The following CRTC3 variants were observed in gnomAD, a reference collection of about 807,000 sequenced individuals.
CRTC3 encodes CREB-regulated transcription coactivator 3.
CRTC3 carries 26 observed loss-of-function variants against 74.5 expected under a neutral mutation model. The ratio of observed to expected loss-of-function variants is 0.35; its 90% confidence interval spans 0.26 to 0.48. The LOEUF (loss-of-function observed/expected upper bound fraction) is 0.48, where lower values mean the gene tolerates loss of function less well. Ranked by LOEUF, CRTC3 falls within the 20% of genes least tolerant of loss-of-function variation. CRTC3 has a pLI of 0.99. For missense variants in CRTC3, 760 were observed against 787.3 expected (o/e 0.97, Z 0.41); for synonymous variants, 377 against 325.8 (o/e 1.16, Z -1.69).
chr15:90,640,802 G>T (rs144510168), intron 13 of CRTC3, among the ~76,000 whole-genome samples: 6 of 151,938 alleles, frequency 3.9e-5, no homozygotes, highest in African/African-American at 1.5e-4. Context: ...GAGGACAGAT[G>T]TCTGAGGGGC....
intron 6 of CRTC3, 70 bp from the exon 7 acceptor site, chr15:90,614,383 T>G (rs1968435981): frequency 8.8e-7 from 1 of 1,140,922 alleles, no homozygotes. Context: ...GAGTTACTGA[T>G]TCATAAATTC....
At chr15:90,604,358 C>A in intron 4 of CRTC3, 27 bp from the exon 5 acceptor site, 1 of 1,602,074 alleles carries the variant, frequency 6.2e-7, no homozygotes, top group South Asian at 1.1e-5. Flanking sequence ...GACTTCTTTT[C>A]CTTTTATGTT....
chr15:90,603,315 C>T (rs528138066), intron 4 of CRTC3, among the ~76,000 whole-genome samples: 6,741 of 148,494 alleles, frequency 0.045, 239 homozygotes, highest in Non-Finnish European at 0.068. Flanking sequence ...TGGTGGCAGG[C>T]GCCTGTAGTC....
chr15:90,615,935 T>A (rs1433540028), intron 7 of CRTC3, among the ~76,000 whole-genome samples: 1 of 152,120 alleles, frequency 6.6e-6, no homozygotes, highest in East Asian at 1.9e-4. Context: ...CTCGGCTCAC[T>A]GCAAACCTCC....
chr15:90,537,865 C>G (rs1966745293), intron 1 of CRTC3, among the ~76,000 whole-genome samples: 1 of 152,196 alleles, frequency 6.6e-6, no homozygotes, highest in Non-Finnish European at 1.5e-5. Context: ...CGGGGTTTCA[C>G]CGTGTTGGCC....
intron 11 of CRTC3, among the ~76,000 whole-genome samples, chr15:90,632,406 G>A (rs944509329): frequency 6.6e-6 from 1 of 151,886 alleles, no homozygotes; most frequent in African/African-American, 2.4e-5. Context: ...GACCAGCCTT[G>A]GCAACATAGT....
chr15:90,603,442 CA>C (rs201680485), intron 4 of CRTC3, among the ~76,000 whole-genome samples: 10 of 144,442 alleles, frequency 6.9e-5, no homozygotes, highest in South Asian at 2.2e-4. Flanking sequence ...GACTCCATCT[CA>C]AAAAAAAAAG....
intron 7 of CRTC3, among the ~76,000 whole-genome samples, chr15:90,614,904 A>C (rs1407362529): frequency 1.3e-5 from 2 of 152,064 alleles, no homozygotes; most frequent in Non-Finnish European, 2.9e-5. Flanking sequence ...TCTCTACTAA[A>C]AATACAAAAA....
intron 2 of CRTC3, among the ~76,000 whole-genome samples, chr15:90,578,446 C>T (rs868474080): frequency 6.6e-6 from 1 of 151,756 alleles, no homozygotes; most frequent in Non-Finnish European, 1.5e-5. Context: ...ACTAACTACT[C>T]GGGAGGCTGA....
intron 2 of CRTC3, among the ~76,000 whole-genome samples, chr15:90,556,117 C>G (rs562324836): frequency 6.8e-4 from 103 of 151,354 alleles, no homozygotes; most frequent in African/African-American, 2.4e-3. Flanking sequence ...TAATTATTTC[C>G]CTATGTCATT....
chr15:90,621,080 C>T (rs1165660969), intron 9 of CRTC3, among the ~76,000 whole-genome samples: 2 of 152,102 alleles, frequency 1.3e-5, no homozygotes, highest in Non-Finnish European at 1.5e-5. Context: ...CAGGACATTC[C>T]CATGGAAGGG....
At chr15:90,640,114 G>C (rs976146271) in intron 13 of CRTC3, among the ~76,000 whole-genome samples, 5 of 152,124 alleles carry the variant, frequency 3.3e-5, no homozygotes, top group Non-Finnish European at 5.9e-5. Context: ...GCAGGCCACA[G>C]ATGAAGCTTT....
chr15:90,575,696 C>G (rs1269794965), intron 2 of CRTC3, among the ~76,000 whole-genome samples: 1 of 152,172 alleles, frequency 6.6e-6, no homozygotes, highest in Non-Finnish European at 1.5e-5. Context: ...ACCAGAATCA[C>G]ACTATTTTAA....
intron 2 of CRTC3, among the ~76,000 whole-genome samples, chr15:90,548,557 C>T (rs1247735586): frequency 6.6e-6 from 1 of 152,024 alleles, no homozygotes; most frequent in African/African-American, 2.4e-5. Context: ...CATTTCCTTT[C>T]AAGTTTTCAT....
chr15:90,549,579 A>G (rs1403627008), intron 2 of CRTC3, among the ~76,000 whole-genome samples: 1 of 152,136 alleles, frequency 6.6e-6, no homozygotes, highest in African/African-American at 2.4e-5. Context: ...AGTTGGAGAA[A>G]GATAGTGAAG....
intron 2 of CRTC3, among the ~76,000 whole-genome samples, chr15:90,574,185 T>A (rs1024114404): frequency 2.6e-5 from 4 of 152,096 alleles, no homozygotes; most frequent in African/African-American, 9.7e-5. Flanking sequence ...TAAAAAAATA[T>A]ATAAACTTAT....
rs560404294 is a variant in CRTC3 at position 90,605,351 on chromosome 15, T to C, written c.476+904T>C. On this transcript the variant is annotated intron_variant, in intron 5 of 14. Coordinates refer to ENST00000268184, the MANE Select transcript of CRTC3 (RefSeq NM_022769.5). ...GGTGCCCATCCTCAGCTTCACTCAT[T>C]ATCAGCATTCTGCCAGTCTCTCCAA... is the stretch of plus-strand genomic sequence containing the variant. Among the ~76,000 whole-genome samples, 8 of 152,238 alleles carry C rather than the reference T, an allele frequency of 5.3e-5. 1 individual carries two copies. The highest frequency in any genetic ancestry group is 1.9e-4 in the African/African-American group (8 of 41,538).
At chr15:90,634,665 G>A in intron 11 of CRTC3, 1 of 579,788 alleles carries the variant, frequency 1.7e-6, no homozygotes, top group Middle Eastern at 3.4e-4. Flanking sequence ...AGGACACTGA[G>A]GGGCTGTCTC....
chr15:90,539,934 C>A, intron 1 of CRTC3, 105 bp from the exon 2 acceptor site: 1 of 798,080 alleles, frequency 1.3e-6, no homozygotes, highest in Non-Finnish European at 2.1e-6. Flanking sequence ...GAAATTGAAA[C>A]AAGACTTTCA....
Sources: gnomAD v4.1 joint callset for allele counts (sites outside exome capture counted in the v4.1 genomes callset) on GRCh38, gnomAD v4.1.1 for gene constraint, MANE v1.5 for transcripts, NCBI Gene and HGNC (gene_info 2026-07-23, HGNC 2026-07-21) for gene names.